SPTAN1: variants seen among roughly 807,000 people sequenced by gnomAD.
SPTAN1 encodes spectrin alpha chain, non-erythrocytic 1.
Under a neutral mutation model 331.3 loss-of-function variants are expected in SPTAN1, and 61 were observed. That is an observed-to-expected ratio of 0.18 (90% CI 0.15 to 0.23). SPTAN1 has a LOEUF of 0.23. Ranked by LOEUF, SPTAN1 falls within the 10% of genes least tolerant of loss-of-function variation. SPTAN1 has a pLI of 1.00. For synonymous variants in SPTAN1, 1,153 were observed against 1,173.9 expected, an observed-to-expected ratio of 0.98 and a Z score of 0.36; for missense variants, 2,043 against 3,147.9, an observed-to-expected ratio of 0.65 and a Z score of 8.40.
intron 27 of SPTAN1, chr9:128,601,436 A>G (rs529303564): frequency 1.4e-4 from 22 of 152,266 alleles, no homozygotes; most frequent in African/African-American, 4.3e-4. Context: ...TTATAAAAGT[A>G]GATCTTTTGG....
Position 128,630,143 on chromosome 9 carries a change from C to T in SPTAN1, c.6708-178C>T, listed in dbSNP as rs770116373. ...CCATCTCTAAAACGGGAGAAATGCT[C>T]CCTGCCATCCCTCGATCCCTGGGGC... On this transcript the variant is annotated intron_variant, in intron 51 of 56. Coordinates refer to ENST00000372739, the MANE Select transcript of SPTAN1 (RefSeq NM_001130438.3). 3.5e-5 allele frequency: 27 copies of T among 781,226 alleles called. No homozygotes were observed. The South Asian group carries it at 3.6e-4, about 11-fold the overall frequency. 48.4% of individuals were successfully genotyped at this position (781,226 alleles called of 1,614,324 possible). A position where few individuals can be genotyped will look rare whatever the true frequency, so the allele number is the denominator to read the frequency against.
At chr9:128,563,825 C>T (rs1849690083) in intron 1 of SPTAN1, among the ~76,000 whole-genome samples, 1 of 149,962 alleles carries the variant, frequency 6.7e-6, no homozygotes, top group African/African-American at 2.5e-5. Context: ...TTTTTTAGAG[C>T]CAGGGTTTAG....
At chr9:128,589,430 A>G (rs1853145871) in intron 21 of SPTAN1, among the ~76,000 whole-genome samples, 1 of 151,120 alleles carries the variant, frequency 6.6e-6, no homozygotes, top group Non-Finnish European at 1.5e-5. Context: ...CTGGGACTAC[A>G]GGCGCCCACC....
intron 44 of SPTAN1, among the ~76,000 whole-genome samples, chr9:128,620,633 G>A (rs760717733): frequency 6.6e-6 from 1 of 152,048 alleles, no homozygotes; most frequent in African/African-American, 2.4e-5. Flanking sequence ...CAGGAGAATC[G>A]CTTGAACCTG....
rs764505727 is a variant in SPTAN1, at chr9:128,627,163, C to G, written c.6577-223C>G. ...GCAACTCCCTGCTTGACTGACCAGT[C>G]GCTTCCCTCCAGGTCCGCCTCTTCC... On this transcript the variant is annotated intron_variant, in intron 49 of 56. Coordinates refer to ENST00000372739, the MANE Select transcript of SPTAN1 (RefSeq NM_001130438.3). The surrounding 1 kb of genome is among the most constrained non-coding windows in gnomAD (Gnocchi z 4.9). 4 of 632,436 alleles carry G rather than the reference C, an allele frequency of 6.3e-6. No homozygotes were observed. The African/African-American group carries it at 7.2e-5, about 11-fold the overall frequency. The allele number at this position is 632,436 out of a possible 1,614,324, so 39.2% of individuals were successfully genotyped here.
At chr9:128,566,259 T>C (rs1425271909) in intron 1 of SPTAN1, among the ~76,000 whole-genome samples, 1 of 152,154 alleles carries the variant, frequency 6.6e-6, no homozygotes, top group African/African-American at 2.4e-5. Flanking sequence ...TGTTTCACCT[T>C]GTTGCCCAGC....
chr9:128,629,125 C>T lies in SPTAN1; in HGVS notation c.6707+1183C>T. 1 of 398,788 alleles carries T rather than the reference C, an allele frequency of 2.5e-6. No homozygotes were observed. The highest frequency in any genetic ancestry group is 6.3e-4 in the Middle Eastern group (1 of 1,590). 24.7% of individuals were successfully genotyped at this position (398,788 alleles called of 1,614,324 possible). On this transcript the variant is annotated intron_variant, in intron 51 of 56. Coordinates refer to ENST00000372739, the MANE Select transcript of SPTAN1 (RefSeq NM_001130438.3). The surrounding 1 kb of genome is among the most constrained non-coding windows in gnomAD (Gnocchi z 4.9). ...CATTTGGTTTCTTTTCTTTGAATAG[C>T]ATAGCATATCGTCGGGTCATTCGTG...
intron 2 of SPTAN1, 44 bp downstream of exon 2, chr9:128,567,021 A>G: frequency 1.9e-6 from 3 of 1,612,430 alleles, no homozygotes; most frequent in Non-Finnish European, 2.5e-6. Context: ...TCAAGAGCCC[A>G]AATGTTCTTA....
chr9:128,578,615 G>A (rs1174056708), intron 9 of SPTAN1, among the ~76,000 whole-genome samples: 1 of 152,110 alleles, frequency 6.6e-6, no homozygotes, highest in Non-Finnish European at 1.5e-5. Context: ...TGGATCATGA[G>A]GTCAAGAGAT....
Position 128,627,227 on chromosome 9 carries a change from CAAGTGCTCTG to C in SPTAN1, c.6577-157_6577-148del. Reference sequence around the variant, plus strand: ...GGGGTGGGAACAGAGAAAGAACTACCAAGTGCTCTGAGCCGGCCTCATGTCTCCCAGCCTC... The same window carrying C: ...GGGGTGGGAACAGAGAAAGAACTACCAGCCGGCCTCATGTCTCCCAGCCTC... On this transcript the variant is annotated intron_variant, in intron 49 of 56. Coordinates refer to ENST00000372739, the MANE Select transcript of SPTAN1 (RefSeq NM_001130438.3). The surrounding 1 kb of genome is among the most constrained non-coding windows in gnomAD (Gnocchi z 4.9). 2.9e-6 allele frequency: 2 copies of C among 685,298 alleles called. No individual in the cohort carries two copies. Among genetic ancestry groups the C allele is most frequent in the Non-Finnish European group, 5.2e-6 (2 of 386,212 alleles). The allele number at this position is 685,298 out of a possible 1,614,324, so 42.5% of individuals were successfully genotyped here. A position where few individuals can be genotyped will look rare whatever the true frequency, so the allele number is the denominator to read the frequency against.
chr9:128,563,495 C>T (rs906291052), intron 1 of SPTAN1, among the ~76,000 whole-genome samples: 1 of 152,192 alleles, frequency 6.6e-6, no homozygotes, highest in African/African-American at 2.4e-5. Context: ...CAGATTTAGT[C>T]ATTAGGTTGA....
At position 128,625,142 on chromosome 9, in the gene SPTAN1, G is replaced by T; in HGVS notation, c.6032G>T (p.Arg2011Leu). Residue 2011 changes from arginine to leucine, a missense_variant, in exon 47 of 57, where the codon CGA becomes CTA. Coordinates refer to ENST00000372739, the MANE Select transcript of SPTAN1 (RefSeq NM_001130438.3). The surrounding 1 kb of genome is among the most constrained non-coding windows in gnomAD (Gnocchi z 4.1). Reference sequence around the variant, plus strand: ...AGCTTGAAGACAGATGATTATGGCCGAGACCTGTCTTCTGTGCAGACGCTC... The same window carrying T: ...AGCTTGAAGACAGATGATTATGGCCTAGACCTGTCTTCTGTGCAGACGCTC... ...ENSLKTDDYG[R>L]DLSSVQTLLT... The T allele has an allele frequency of 6.2e-7, 1 of 1,614,176 alleles. No individual in the cohort carries two copies.
At chr9:128,584,042 T>G (rs1220769789) in intron 16 of SPTAN1, 73 bp downstream of exon 16, 1 of 1,583,054 alleles carries the variant, frequency 6.3e-7, no homozygotes, top group African/African-American at 1.3e-5. Flanking sequence ...GCCAGTAATT[T>G]GAGACTAAAT....
chr9:128,609,014 T>A (rs375636579), intron 35 of SPTAN1, 37 bp downstream of exon 35: 41 of 1,613,814 alleles, frequency 2.5e-5, no homozygotes, highest in Non-Finnish European at 3.1e-5. Flanking sequence ...TCACCAGCCC[T>A]GAGAGGATGC....
intron 19 of SPTAN1, among the ~76,000 whole-genome samples, 195 bp downstream of exon 19, chr9:128,586,160 C>T (rs1312520855): frequency 4.5e-5 from 6 of 134,128 alleles, no homozygotes; most frequent in South Asian, 2.5e-4. Context: ...TCACTCTTGC[C>T]CAGGCTGGAC....
In SPTAN1 at chr9:128,600,082, T is replaced by C. The variant is rs945831; in HGVS notation, c.3546T>C (p.Asp1182=). The change falls in exon 27 of 57, where the codon GAT becomes GAC. Residue 1182 remains aspartate (D), a splice_region_variant and synonymous_variant. Coordinates refer to ENST00000372739, the MANE Select transcript of SPTAN1 (RefSeq NM_001130438.3). The part of the protein sequence containing the change: ...QQEVYGMMPR[D]ETDSKTASPW... ...TAAATTCCTCTTTCTTTGAATAGGATGAAACTGATTCCAAGACAGCCTCCC... is the reference window on the plus strand; with the variant it reads ...TAAATTCCTCTTTCTTTGAATAGGACGAAACTGATTCCAAGACAGCCTCCC... The C allele has an allele frequency of 6.0e-3, 9,744 of 1,614,158 alleles. 474 individuals carry two copies. The African/African-American group carries it at 0.11, about 18-fold the overall frequency.
chr9:128,563,165 C>T (rs1849619938), intron 1 of SPTAN1, among the ~76,000 whole-genome samples: 1 of 151,844 alleles, frequency 6.6e-6, no homozygotes, highest in Admixed American at 6.6e-5. Context: ...CTTGTAATCC[C>T]AGCACTTTGG....
intron 1 of SPTAN1, among the ~76,000 whole-genome samples, chr9:128,554,275 T>C (rs980946673): frequency 2.0e-5 from 3 of 152,216 alleles, no homozygotes; most frequent in Admixed American, 6.5e-5. Flanking sequence ...GCAGTTCTTA[T>C]GGCAAACCAT....
chr9:128,592,094 T>G (rs1032783997), intron 22 of SPTAN1, among the ~76,000 whole-genome samples: 2 of 152,110 alleles, frequency 1.3e-5, no homozygotes, highest in Non-Finnish European at 2.9e-5. Context: ...TATTTCTGAC[T>G]CCACTAGTGG....
Sources: gnomAD v4.1 joint callset for allele counts (sites outside exome capture counted in the v4.1 genomes callset) on GRCh38, gnomAD v4.1.1 for gene constraint, Gnocchi (gnomAD v3.1) non-coding constraint, MANE v1.5 for transcripts, NCBI Gene and HGNC (gene_info 2026-07-23, HGNC 2026-07-21) for gene names.